The following MAP7 variants were observed in gnomAD, a reference collection of about 807,000 sequenced individuals.
MAP7 encodes microtubule associated protein 7.
In MAP7, 52 loss-of-function variants were observed where a neutral mutation model predicts 94.8. The observed-to-expected ratio is 0.55, with a 90% CI of 0.44 to 0.69. The LOEUF (loss-of-function observed/expected upper bound fraction) is 0.69. MAP7 is among the 30% of genes least tolerant of loss of function. The pLI is 0.00. For synonymous variants in MAP7, 350 were observed against 357.0 expected, an observed-to-expected ratio of 0.98 and a Z score of 0.22; for missense variants, 940 against 964.6, an observed-to-expected ratio of 0.97 and a Z score of 0.34.
chr6:136,345,981 G>A lies in MAP7; in HGVS notation c.2114C>T (p.Ser705Phe). The A allele has an allele frequency of 6.2e-7, 1 of 1,611,288 alleles. No individual in the cohort carries two copies. Among genetic ancestry groups the A allele is most frequent in the Non-Finnish European group, 8.5e-7 (1 of 1,177,432 alleles). The change falls in exon 17 of 18, where the codon TCC (serine) becomes TTC (phenylalanine). Residue 705 changes from serine to phenylalanine, a missense_variant. Transcript: ENST00000354570. Reference protein sequence around the residue: ...IINLPIGSKPSRLDVTNSESP... With the variant: ...IINLPIGSKPFRLDVTNSESP... ...CTCACTGTTGGTGACATCTAATCTG[G>A]ATGGTTTAGATCCAATGGGTAAGTT...
chr6:136,449,052 T>C (rs1327407369), intron 1 of MAP7, among the ~76,000 whole-genome samples: 1 of 147,694 alleles, frequency 6.8e-6, no homozygotes, highest in Non-Finnish European at 1.5e-5. Flanking sequence ...CTCAAGCCCG[T>C]AATCCCAGCA....
At chr6:136,488,692 C>T in intron 1 of MAP7, among the ~76,000 whole-genome samples, 1 of 152,010 alleles carries the variant, frequency 6.6e-6, no homozygotes, top group East Asian at 1.9e-4. Context: ...ATCTGCCTGC[C>T]TTGGTATCCC....
chr6:136,426,135 G>A (rs1174051363), intron 1 of MAP7, among the ~76,000 whole-genome samples: 1 of 152,042 alleles, frequency 6.6e-6, no homozygotes, highest in African/African-American at 2.4e-5. Context: ...TTATAAATAT[G>A]TGCTCTCAAC....
At chr6:136,370,914 T>C (rs1039962240) in intron 8 of MAP7, among the ~76,000 whole-genome samples, 1 of 152,158 alleles carries the variant, frequency 6.6e-6, no homozygotes, top group South Asian at 2.1e-4. Context: ...GCTTTTTTTT[T>C]TTTTTAACAC....
intron 1 of MAP7, chr6:136,525,966 C>G: frequency 6.7e-7 from 1 of 1,492,618 alleles, no homozygotes; most frequent in Non-Finnish European, 8.8e-7. Context: ...TCCAGGCATA[C>G]CGCTGCTACT....
chr6:136,484,546 T>G (rs940655215), intron 1 of MAP7, among the ~76,000 whole-genome samples: 4 of 152,194 alleles, frequency 2.6e-5, no homozygotes, highest in Non-Finnish European at 5.9e-5. Flanking sequence ...CACCAATATC[T>G]TGCACAACAG....
At chr6:136,454,303 C>CTATCTATA (rs1180508711) in intron 1 of MAP7, among the ~76,000 whole-genome samples, 1 of 151,756 alleles carries the variant, frequency 6.6e-6, no homozygotes, top group Non-Finnish European at 1.5e-5. Flanking sequence ...ATCTATCTAT[C>CTATCTATA]TATCTATCTA....
At chr6:136,510,690 G>A (rs531244508) in intron 1 of MAP7, among the ~76,000 whole-genome samples, 6 of 151,994 alleles carry the variant, frequency 3.9e-5, no homozygotes, top group East Asian at 1.9e-4. Flanking sequence ...TTTTGGGAGC[G>A]ACCATACTCA....
chr6:136,508,301 G>C (rs1327198989), intron 1 of MAP7, among the ~76,000 whole-genome samples: 1 of 151,888 alleles, frequency 6.6e-6, no homozygotes, highest in Non-Finnish European at 1.5e-5. Flanking sequence ...TCTCCAACCT[G>C]GGCAACAGAG....
chr6:136,462,160 C>A (rs376453878), intron 1 of MAP7, among the ~76,000 whole-genome samples: 1 of 112,584 alleles, frequency 8.9e-6, no homozygotes, highest in African/African-American at 3.4e-5. Flanking sequence ...CATAGTAAGA[C>A]CCTTCTCTTA....
Position 136,360,030 on chromosome 6 carries a change from C to T in MAP7, c.1805G>A (p.Arg602Gln), listed in dbSNP as rs772596912. 7 of 1,611,472 alleles carry T rather than the reference C, an allele frequency of 4.3e-6. No homozygotes were observed. The highest frequency in any genetic ancestry group is 1.3e-5 in the African/African-American group (1 of 74,636). Residue 602 changes from arginine to glutamine, a missense_variant and splice_region_variant, in exon 14 of 18, where the codon CGA becomes CAA. Coordinates refer to ENST00000354570, the MANE Select transcript of MAP7 (RefSeq NM_003980.6). Reference sequence around the variant, plus strand: ...GGTTCTTTTCATAATCTCCTCAAGTCGCTATAGGAAAGGAAGAATTGAGCA... The same window carrying T: ...GGTTCTTTTCATAATCTCCTCAAGTTGCTATAGGAAAGGAAGAATTGAGCA... ...EEQERLERKK[R>Q]LEEIMKRTRR... is the part of the protein sequence containing the mutation.
At chr6:136,366,275 T>C (rs1464213958) in intron 9 of MAP7, 52 bp downstream of exon 9, 1 of 1,370,866 alleles carries the variant, frequency 7.3e-7, no homozygotes, top group Non-Finnish European at 1.0e-6. Flanking sequence ...AGGAGAGAGC[T>C]ACTAATTCTC....
intron 1 of MAP7, among the ~76,000 whole-genome samples, chr6:136,484,142 A>G (rs1218202979): frequency 6.6e-6 from 1 of 152,234 alleles, no homozygotes; most frequent in Admixed American, 6.5e-5. Flanking sequence ...ATCCATCTCA[A>G]GTGAGTCCAG....
chr6:136,380,340 GCCAGGT>G (rs1223226743), intron 6 of MAP7, among the ~76,000 whole-genome samples: 7 of 152,144 alleles, frequency 4.6e-5, no homozygotes, highest in Non-Finnish European at 7.3e-5. Context: ...GACACATGTT[GCCAGGT>G]CCTGATTTTT....
intron 3 of MAP7, among the ~76,000 whole-genome samples, chr6:136,403,258 T>C (rs1263049076): frequency 6.6e-6 from 1 of 152,222 alleles, no homozygotes; most frequent in Admixed American, 6.5e-5. Flanking sequence ...GCCATCCTCA[T>C]CTTTATCACC....
intron 1 of MAP7, among the ~76,000 whole-genome samples, chr6:136,516,922 A>G (rs1362682209): frequency 6.6e-6 from 1 of 151,860 alleles, no homozygotes; most frequent in Non-Finnish European, 1.5e-5. Flanking sequence ...ACTCACATAC[A>G]TGCACACGAG....
intron 13 of MAP7, 122 bp from the exon 14 acceptor site, chr6:136,360,153 CTTTTTTT>C: frequency 1.7e-6 from 1 of 600,140 alleles, no homozygotes. Context: ...ACAATATGCA[CTTTTTTT>C]TTTTTTTTTG....
At chr6:136,394,949 T>C (rs1196884482) in intron 3 of MAP7, among the ~76,000 whole-genome samples, 10 of 119,202 alleles carry the variant, frequency 8.4e-5, no homozygotes, top group African/African-American at 2.4e-4. Context: ...TATATATATA[T>C]ATATATATAT....
intron 1 of MAP7, among the ~76,000 whole-genome samples, chr6:136,482,600 CA>C (rs372638079): frequency 0.26 from 31,100 of 120,172 alleles, 3,580 homozygotes; most frequent in African/African-American, 0.39. Context: ...GGCTCCATCT[CA>C]AAAAAAAAAA....
Sources: gnomAD v4.1 joint callset for allele counts (sites outside exome capture counted in the v4.1 genomes callset) on GRCh38, gnomAD v4.1.1 for gene constraint, MANE v1.5 for transcripts, NCBI Gene and HGNC (gene_info 2026-07-23, HGNC 2026-07-21) for gene names.